CCDC171: variants seen among roughly 807,000 people sequenced by gnomAD.
CCDC171 encodes the protein coiled-coil domain-containing protein 171.
A neutral mutation model predicts 168.2 loss-of-function variants in CCDC171; 177 were observed. That is an observed-to-expected ratio of 1.05 (90% CI 0.93 to 1.19). The LOEUF (loss-of-function observed/expected upper bound fraction) is 1.19, where lower values mean the gene tolerates loss of function less well. Among genes scored for constraint, CCDC171 ranks in the 50% most tolerant of loss-of-function variants. The pLI, the probability that CCDC171 is intolerant of heterozygous loss-of-function variation, is 0.00. For missense variants in CCDC171, 1,991 were observed against 1,539.0 expected (o/e 1.29, Z -4.91); for synonymous variants, 687 against 540.8 (o/e 1.27, Z -3.75).
At chr9:15,768,449 C>T (rs2056848798) in intron 18 of CCDC171, among the ~76,000 whole-genome samples, 1 of 152,122 alleles carries the variant, frequency 6.6e-6, no homozygotes, top group Non-Finnish European at 1.5e-5. Flanking sequence ...TGTTACTAAC[C>T]TGCTAGTGGG....
At chr9:15,830,968 ATTTTTTTTT>A (rs71325936) in intron 21 of CCDC171, among the ~76,000 whole-genome samples, 11 of 123,002 alleles carry the variant, frequency 8.9e-5, no homozygotes, top group Admixed American at 5.7e-4. Flanking sequence ...CCATATCTTA[ATTTTTTTTT>A]TTTTTTTTTT....
intron 6 of CCDC171, among the ~76,000 whole-genome samples, chr9:15,616,440 A>T (rs1330665763): frequency 6.6e-6 from 1 of 151,834 alleles, no homozygotes; most frequent in African/African-American, 2.4e-5. Context: ...TTATTTTACT[A>T]TTTTATTTAT....
intron 23 of CCDC171, among the ~76,000 whole-genome samples, chr9:15,872,124 C>G (rs1370235268): frequency 6.6e-6 from 1 of 151,812 alleles, no homozygotes; most frequent in African/African-American, 2.4e-5. Context: ...CAAGTTGATT[C>G]AACAGATAAT....
At chr9:15,998,454 C>G (rs1832437338) in intron 3 of CCDC171, among the ~76,000 whole-genome samples, 1 of 152,122 alleles carries the variant, frequency 6.6e-6, no homozygotes, top group African/African-American at 2.4e-5. Context: ...ATTTCATAAG[C>G]CCCCAGATAG....
chr9:16,064,605 C>G (rs753917589), downstream of CCDC171, among the ~76,000 whole-genome samples: 20 of 152,146 alleles, frequency 1.3e-4, no homozygotes, highest in Non-Finnish European at 2.8e-4. Flanking sequence ...TCACTTGGCT[C>G]TCAATGAGGA....
downstream of CCDC171, among the ~76,000 whole-genome samples, chr9:15,974,605 A>AT (rs546824230): frequency 7.2e-4 from 109 of 152,298 alleles, 1 homozygote; most frequent in Middle Eastern, 3.4e-3. Flanking sequence ...ACACTTACAT[A>AT]TTGTGGAGTT....
intron 6 of CCDC171, among the ~76,000 whole-genome samples, chr9:15,599,653 C>CTTTGTGGCATTT (rs1255883334): frequency 1.3e-5 from 2 of 152,196 alleles, no homozygotes; most frequent in Non-Finnish European, 2.9e-5. Context: ...CGAGGAGTAT[C>CTTTGTGGCATTT]TTTGTGGCAT....
chr9:15,953,114 T>C lies in CCDC171; in HGVS notation c.3754-18495T>C, dbSNP rs182171140. 5.3e-5 allele frequency among the ~76,000 whole-genome samples: 8 copies of C among 152,274 alleles called. No individual in the cohort carries two copies. The East Asian group carries it at 1.5e-3, about 29-fold the overall frequency. On this transcript the variant is annotated intron_variant, in intron 25 of 25. Transcript: ENST00000380701. ...TTAGGGTTTTCTACATGTAAGAGCA[T>C]ATCATCTGCAAAGAAAGATAATTTC...
At chr9:15,970,605 T>C (rs1275552237) in intron 25 of CCDC171, among the ~76,000 whole-genome samples, 1 of 152,194 alleles carries the variant, frequency 6.6e-6, no homozygotes, top group Non-Finnish European at 1.5e-5. Context: ...AACTACTAGA[T>C]ACTGACGTCA....
intron 18 of CCDC171, among the ~76,000 whole-genome samples, chr9:15,749,157 G>A (rs942271157): frequency 1.8e-4 from 26 of 146,556 alleles, no homozygotes; most frequent in African/African-American, 6.6e-4. Flanking sequence ...AAAAAAAAAA[G>A]CAGGTGTTGC....
chr9:15,666,012 T>C (rs1305635179), intron 8 of CCDC171, 151 bp from the exon 9 acceptor site: 1 of 617,966 alleles, frequency 1.6e-6, no homozygotes, highest in African/African-American at 1.8e-5. Flanking sequence ...GAATAAACTG[T>C]CTTTTATTTA....
chr9:15,725,512 C>T (rs1050144578), intron 14 of CCDC171, among the ~76,000 whole-genome samples: 4 of 151,968 alleles, frequency 2.6e-5, no homozygotes, highest in East Asian at 1.9e-4. Flanking sequence ...TGCAGTGGTG[C>T]GATCTGGGCT....
intron 14 of CCDC171, among the ~76,000 whole-genome samples, chr9:15,726,378 A>G (rs546356447): frequency 6.6e-6 from 1 of 152,334 alleles, no homozygotes; most frequent in East Asian, 1.9e-4. Flanking sequence ...TAGCGACACA[A>G]TGAATTATCC....
intron 21 of CCDC171, among the ~76,000 whole-genome samples, chr9:15,829,016 A>C (rs2136212432): frequency 6.6e-6 from 1 of 152,324 alleles, no homozygotes; most frequent in East Asian, 1.9e-4. Context: ...CACACGGCAA[A>C]GAATGGCAGG....
rs60778436 is a variant in CCDC171 at position 15,776,746 on chromosome 9, A to G, written c.2672-854A>G. 1.2e-3 allele frequency among the ~76,000 whole-genome samples: 189 copies of G among 152,330 alleles called. 8 individuals carry two copies. The East Asian group carries it at 0.033, about 26-fold the overall frequency. On this transcript the variant is annotated intron_variant, in intron 18 of 25. Coordinates refer to ENST00000380701, the MANE Select transcript of CCDC171 (RefSeq NM_173550.4). The stretch of plus-strand genomic sequence containing the variant: ...GAATTATATGTATTCTTATAAGGAT[A>G]AAACATTTTTAATTTGGTAAGACTA...
In CCDC171 at chr9:15,971,715, C is replaced by T. The variant is rs771526903; in HGVS notation, c.3860C>T (p.Thr1287Ile). Residue 1287 changes from threonine to isoleucine, a missense_variant, in exon 26 of 26, where the codon ACT (threonine) becomes ATT (isoleucine). Transcript: ENST00000380701. The stretch of plus-strand genomic sequence containing the variant: ...TTACCATTGAAAGCTGAACTTGATA[C>T]TACTTACACTTTCTTAAAGGAGACA... ...DFLPLKAELD[T>I]TYTFLKETFI... 1.9e-6 allele frequency: 3 copies of T among 1,613,774 alleles called. No individual in the cohort carries two copies. The highest frequency in any genetic ancestry group is 2.2e-5 in the South Asian group (2 of 91,050).
intron 21 of CCDC171, among the ~76,000 whole-genome samples, chr9:15,834,822 AATCACTATG>A (rs2136285596): frequency 6.6e-6 from 1 of 152,342 alleles, no homozygotes; most frequent in East Asian, 1.9e-4. Context: ...CTACAAGGAA[AATCACTATG>A]ATAGATGAAA....
At chr9:15,980,588 A>G (rs1831760472) in intron 3 of CCDC171, among the ~76,000 whole-genome samples, 1 of 152,146 alleles carries the variant, frequency 6.6e-6, no homozygotes, top group Non-Finnish European at 1.5e-5. Context: ...GCCATCTTTC[A>G]TAGCCCCAAA....
intron 9 of CCDC171, among the ~76,000 whole-genome samples, chr9:15,678,453 A>G (rs189317355): frequency 8.0e-4 from 122 of 152,242 alleles, no homozygotes; most frequent in African/African-American, 2.7e-3. Context: ...AGCTAATTGA[A>G]CTACGGTAGG....
Sources: allele counts gnomAD v4.1 joint callset (sites outside exome capture counted in the v4.1 genomes callset), GRCh38; gene constraint gnomAD v4.1.1; transcripts MANE v1.5; gene names NCBI Gene and HGNC (gene_info 2026-07-23, HGNC 2026-07-21).